The following GXYLT2 variants were observed in gnomAD, a reference collection of about 807,000 sequenced individuals.
GXYLT2 encodes glycosyltransferase 8 domain containing 4.
In GXYLT2, 53 loss-of-function variants were observed where a neutral mutation model predicts 45.8. The observed-to-expected ratio is 1.16, with a 90% CI of 0.93 to 1.46. The LOEUF is 1.46. Among genes scored for constraint, GXYLT2 ranks in the 40% most tolerant of loss-of-function variants. The pLI, the probability that GXYLT2 is intolerant of heterozygous loss-of-function variation, is 0.00. For missense variants in GXYLT2, 551 were observed against 544.4 expected (o/e 1.01, Z -0.12); for synonymous variants, 219 against 214.2 (o/e 1.02, Z -0.19).
chr3:72,910,736 A>G (rs1360633583), intron 2 of GXYLT2, among the ~76,000 whole-genome samples: 1 of 152,118 alleles, frequency 6.6e-6, no homozygotes, highest in East Asian at 1.9e-4. Flanking sequence ...GAGAGTCATA[A>G]CCCCGCCTTT....
At chr3:72,966,458 C>CTTTTTTTTTTTTTTTTTTTTTTTTT (rs10662974) in intron 5 of GXYLT2, among the ~76,000 whole-genome samples, 1 of 101,640 alleles carries the variant, frequency 9.8e-6, no homozygotes, top group Non-Finnish European at 1.8e-5. Context: ...TTGTGTGTAT[C>CTTTTTTTTTTTTTTTTTTTTTTTTT]TTTTTTTTTT....
chr3:72,969,392 C>CA (rs11376005), intron 6 of GXYLT2, among the ~76,000 whole-genome samples: 36,575 of 115,150 alleles, frequency 0.32, 6,182 homozygotes, highest in African/African-American at 0.51. Flanking sequence ...GACCCTGTCT[C>CA]AAAAAAAAAA....
intron 6 of GXYLT2, among the ~76,000 whole-genome samples, chr3:72,973,793 G>A (rs933835882): frequency 2.0e-5 from 3 of 152,174 alleles, no homozygotes; most frequent in African/African-American, 7.2e-5. Context: ...AGCTACAGTG[G>A]TGAAAAGGAC....
At chr3:72,932,100 T>A (rs1710049083) in intron 3 of GXYLT2, among the ~76,000 whole-genome samples, 1 of 151,952 alleles carries the variant, frequency 6.6e-6, no homozygotes, top group African/African-American at 2.4e-5. Context: ...TGGAGTTTTC[T>A]GGAGTGCAAT....
chr3:72,934,721 CAG>C (rs763399528), intron 3 of GXYLT2, among the ~76,000 whole-genome samples: 2 of 152,142 alleles, frequency 1.3e-5, no homozygotes, highest in African/African-American at 2.4e-5. Flanking sequence ...GAAAGTAAAA[CAG>C]GGGGTCTCTG....
chr3:72,933,462 A>G (rs1710083444), intron 3 of GXYLT2, among the ~76,000 whole-genome samples: 1 of 152,238 alleles, frequency 6.6e-6, no homozygotes, highest in Non-Finnish European at 1.5e-5. Flanking sequence ...TCACAATAAT[A>G]TATGTTGATT....
At position 72,955,249 on chromosome 3, in the gene GXYLT2, G is replaced by A; in HGVS notation, c.752G>A (p.Trp251Ter). 1 of 1,614,032 alleles carries A rather than the reference G, an allele frequency of 6.2e-7. No homozygotes were observed. Among genetic ancestry groups the A allele is most frequent in the Non-Finnish European group, 8.5e-7 (1 of 1,179,906 alleles). Residue 251 changes from tryptophan to a stop codon, truncating the protein, a stop_gained, in exon 4 of 7, where the codon TGG becomes TAG. Transcript: ENST00000389617. LOFTEE classifies it high-confidence loss of function. ...GAGCACGAAATCCCCAAGATTGGCT[G>A]GTACAGCCGCTTTGCTAGGCATCCT... ...APEHEIPKIG[W>*]YSRFARHPFY...
rs546459646 is a variant in GXYLT2, at chr3:72,943,082, A to G, written c.601-12016A>G. Among the ~76,000 whole-genome samples the G allele has an allele frequency of 3.3e-5, 5 of 152,344 alleles. No homozygotes were observed. In the East Asian group the frequency reaches 9.7e-4, roughly 29 times the overall value. ...AAAATTTAAAAACACAGCCAGACACAGTGGGTGAAAATCAGCACAGTCAAG... is the reference window on the plus strand; with the variant it reads ...AAAATTTAAAAACACAGCCAGACACGGTGGGTGAAAATCAGCACAGTCAAG... On this transcript the variant is annotated intron_variant, in intron 3 of 6. Transcript: ENST00000389617.
intron 4 of GXYLT2, among the ~76,000 whole-genome samples, chr3:72,956,347 A>G (rs1376216290): frequency 6.6e-6 from 1 of 152,230 alleles, no homozygotes; most frequent in Non-Finnish European, 1.5e-5. Flanking sequence ...GGGATATGGA[A>G]GAAGAATATT....
In GXYLT2 at chr3:72,957,278, T is replaced by C. The variant is rs1433868150; in HGVS notation, c.902T>C (p.Leu301Pro). Residue 301 changes from leucine (L) to proline (P), a missense_variant, in exon 5 of 7, where the codon CTG becomes CCG. Coordinates refer to ENST00000389617, the MANE Select transcript of GXYLT2 (RefSeq NM_001080393.2). The part of the protein sequence containing the change: ...GLAWEDMLYP[L>P]YQKYKNAITW... ...GCTTGGGAGGACATGTTGTACCCTC[T>C]GTACCAGAAGTACAAGAATGCCATC... The C allele has an allele frequency of 6.2e-7, 1 of 1,613,098 alleles. No homozygotes were observed. The highest frequency in any genetic ancestry group is 8.5e-7 in the Non-Finnish European group (1 of 1,179,192).
intron 3 of GXYLT2, among the ~76,000 whole-genome samples, chr3:72,941,677 G>C (rs1449418860): frequency 6.6e-6 from 1 of 151,776 alleles, no homozygotes; most frequent in African/African-American, 2.4e-5. Flanking sequence ...ACACATGCCC[G>C]CACAGTCCTG....
rs925214847 is a variant in GXYLT2, at chr3:72,929,208, T to G, written c.600+6873T>G. ...GCTTTGAAGAACTTTGCCAAATACT[T>G]TCTTCACCAATCTCATGAGGAGAGG... On this transcript the variant is annotated intron_variant, in intron 3 of 6. Transcript: ENST00000389617. 3 of 1,584,196 alleles carry G rather than the reference T, an allele frequency of 1.9e-6. No individual in the cohort carries two copies. The African/African-American group carries it at 4.0e-5, about 21-fold the overall frequency.
intron 3 of GXYLT2, among the ~76,000 whole-genome samples, chr3:72,953,236 G>A (rs914957760): frequency 6.6e-6 from 1 of 151,984 alleles, no homozygotes; most frequent in African/African-American, 2.4e-5. Flanking sequence ...TCAAACTTCC[G>A]TGTCCTGAAA....
intron 1 of GXYLT2, among the ~76,000 whole-genome samples, chr3:72,899,850 C>T (rs1709368524): frequency 6.6e-6 from 1 of 152,168 alleles, no homozygotes; most frequent in African/African-American, 2.4e-5. Context: ...TGAGGGTATT[C>T]AGCTTCTTAA....
chr3:72,900,857 A>G, intron 1 of GXYLT2, among the ~76,000 whole-genome samples: 1 of 152,200 alleles, frequency 6.6e-6, no homozygotes, highest in East Asian at 1.9e-4. Flanking sequence ...AGTACATTTT[A>G]AAAGTATACA....
chr3:72,959,106 CTTTTTTTTTT>C (rs55680713), intron 5 of GXYLT2, among the ~76,000 whole-genome samples: 1 of 60,000 alleles, frequency 1.7e-5, no homozygotes, highest in African/African-American at 8.4e-5. Context: ...CCACACCCAG[CTTTTTTTTTT>C]TTTTTTTTTT....
chr3:72,960,815 T>C (rs1472590019), intron 5 of GXYLT2, among the ~76,000 whole-genome samples: 1 of 152,168 alleles, frequency 6.6e-6, no homozygotes, highest in Non-Finnish European at 1.5e-5. Context: ...AAAAGATTTG[T>C]CACCTTTATC....
At chr3:72,938,728 C>A (rs1309605871) in intron 3 of GXYLT2, among the ~76,000 whole-genome samples, 1 of 152,192 alleles carries the variant, frequency 6.6e-6, no homozygotes, top group African/African-American at 2.4e-5. Flanking sequence ...CCGGAGAAAC[C>A]AGATACTTTT....
rs2107165949 is a variant in GXYLT2 at position 72,976,348 on chromosome 3, A to G, written c.*1189A>G. 1 of 152,342 alleles carries G rather than the reference A, an allele frequency of 6.6e-6. No homozygotes were observed. Among genetic ancestry groups the G allele is most frequent in the Non-Finnish European group, 1.5e-5 (1 of 68,030 alleles). The allele number at this position is 152,342 out of a possible 1,614,324, so 9.4% of individuals were successfully genotyped here. A position where few individuals can be genotyped will look rare whatever the true frequency, so the allele number is the denominator to read the frequency against. On this transcript the variant is annotated 3_prime_UTR_variant, in exon 7 of 7. Coordinates refer to ENST00000389617, the MANE Select transcript of GXYLT2 (RefSeq NM_001080393.2). ...AAATTCAGGAATGTTTGTGTTTACC[A>G]CAGACAAAAACATTTGATCTGTTAA...
Sources: gnomAD v4.1 joint callset for allele counts (sites outside exome capture counted in the v4.1 genomes callset) on GRCh38, gnomAD v4.1.1 for gene constraint, MANE v1.5 for transcripts, NCBI Gene and HGNC (gene_info 2026-07-23, HGNC 2026-07-21) for gene names.